Variants in ACVR2A observed in about 807,000 individuals in gnomAD.
The protein encoded by ACVR2A is activin receptor type-2A.
In ACVR2A, 7 loss-of-function variants were observed where a neutral mutation model predicts 61.4. That is an observed-to-expected ratio of 0.11 (90% CI 0.06 to 0.21). ACVR2A has a LOEUF of 0.21. Ranked by LOEUF, ACVR2A falls within the 10% of genes least tolerant of loss-of-function variation. The pLI is 1.00. For missense variants in ACVR2A, 322 were observed against 621.7 expected, an observed-to-expected ratio of 0.52 and a Z score of 5.13; for synonymous variants, 193 against 208.3, an observed-to-expected ratio of 0.93 and a Z score of 0.63.
At chr2:147,878,456 T>TA (rs769518906) in intron 1 of ACVR2A, among the ~76,000 whole-genome samples, 124 of 151,952 alleles carry the variant, frequency 8.2e-4, no homozygotes, top group Non-Finnish European at 1.2e-3. Context: ...TTTTTTTTTT[T>TA]ATTAAGAAAG....
intron 1 of ACVR2A, among the ~76,000 whole-genome samples, chr2:147,855,336 G>C (rs1685545518): frequency 6.6e-6 from 1 of 152,212 alleles, no homozygotes; most frequent in Admixed American, 6.5e-5. Flanking sequence ...AATGAATGCA[G>C]TGATGGGACT....
intron 5 of ACVR2A, among the ~76,000 whole-genome samples, chr2:147,916,135 C>T (rs988996145): frequency 3.3e-5 from 5 of 151,842 alleles, no homozygotes; most frequent in Admixed American, 6.6e-5. Context: ...CTTTTTACCT[C>T]CTCTGTTCAA....
intron 1 of ACVR2A, among the ~76,000 whole-genome samples, chr2:147,874,100 A>G (rs902399789): frequency 7.2e-5 from 11 of 152,094 alleles, no homozygotes; most frequent in African/African-American, 2.6e-4. Flanking sequence ...GCAGAATACT[A>G]TATCAGAATT....
chr2:147,893,835 T>A (rs774934981), intron 1 of ACVR2A, among the ~76,000 whole-genome samples: 1 of 152,250 alleles, frequency 6.6e-6, no homozygotes, highest in Non-Finnish European at 1.5e-5. Flanking sequence ...ACTTTTTTCA[T>A]CCCCTTAGCC....
intron 1 of ACVR2A, among the ~76,000 whole-genome samples, chr2:147,881,661 G>GTGTGTGTGTGTGTGT (rs1686305711): frequency 7.8e-6 from 1 of 128,210 alleles, no homozygotes; most frequent in African/African-American, 2.8e-5. Flanking sequence ...GTGTGTGTGT[G>GTGTGTGTGTGTGTGT]GTTTTTTTTA....
intron 1 of ACVR2A, 140 bp downstream of exon 1, chr2:147,845,347 C>T: frequency 2.4e-6 from 1 of 425,462 alleles, no homozygotes; most frequent in Non-Finnish European, 3.7e-6. Flanking sequence ...CGGCTGCCAC[C>T]GCCCCCCCCC....
At chr2:147,901,622 A>G (rs1686873207) in intron 4 of ACVR2A, among the ~76,000 whole-genome samples, 1 of 152,066 alleles carries the variant, frequency 6.6e-6, no homozygotes, top group African/African-American at 2.4e-5. Context: ...TTTATTTAGT[A>G]CTTACATGCT....
chr2:147,856,598 A>C (rs1287283898), intron 1 of ACVR2A, among the ~76,000 whole-genome samples: 3 of 152,186 alleles, frequency 2.0e-5, no homozygotes, highest in Non-Finnish European at 4.4e-5. Context: ...CCTAAGACTC[A>C]AAATGAACTT....
At chr2:147,845,230 G>A (rs1685275955) in intron 1 of ACVR2A, 23 bp downstream of exon 1, 1 of 1,609,368 alleles carries the variant, frequency 6.2e-7, no homozygotes. Flanking sequence ...AGCGCGGCGC[G>A]GTGGGGCTGC....
intron 6 of ACVR2A, among the ~76,000 whole-genome samples, chr2:147,918,178 A>G (rs1284512842): frequency 1.3e-5 from 2 of 151,800 alleles, no homozygotes; most frequent in African/African-American, 4.8e-5. Context: ...TAAAAAAAAA[A>G]AAAAACAAAC....
chr2:147,900,985 TG>T (rs1176384787), intron 4 of ACVR2A, among the ~76,000 whole-genome samples: 1 of 152,046 alleles, frequency 6.6e-6, no homozygotes, highest in Non-Finnish European at 1.5e-5. Context: ...TTGTAAGATG[TG>T]TATATAGAGA....
chr2:147,908,038 CAAAAAAAAA>C (rs1200221673), intron 4 of ACVR2A, among the ~76,000 whole-genome samples: 1 of 67,034 alleles, frequency 1.5e-5, no homozygotes, highest in East Asian at 4.8e-4. Context: ...GACTCTGTTT[CAAAAAAAAA>C]AAAAAAAGAA....
intron 1 of ACVR2A, among the ~76,000 whole-genome samples, chr2:147,894,220 G>A (rs148474658): frequency 3.4e-3 from 510 of 152,104 alleles, no homozygotes; most frequent in East Asian, 8.3e-3. Flanking sequence ...CTGTCCCATT[G>A]ATACATGTTT....
At chr2:147,921,931 C>A (rs1268030729) in intron 8 of ACVR2A, among the ~76,000 whole-genome samples, 2 of 152,030 alleles carry the variant, frequency 1.3e-5, no homozygotes, top group African/African-American at 4.8e-5. Context: ...TTTGGAGGGA[C>A]TTGCATGTTA....
intron 1 of ACVR2A, among the ~76,000 whole-genome samples, chr2:147,862,743 C>CA (rs5835174): frequency 0.3 from 42,329 of 142,336 alleles, 6,262 homozygotes; most frequent in East Asian, 0.47. Flanking sequence ...GACTCTGTCT[C>CA]AAAAAAAAAA....
At chr2:147,867,519 G>A (rs1210901215) in intron 1 of ACVR2A, among the ~76,000 whole-genome samples, 1 of 151,952 alleles carries the variant, frequency 6.6e-6, no homozygotes, top group African/African-American at 2.4e-5. Flanking sequence ...CATTACCAAT[G>A]TGTTAGTTCC....
intron 1 of ACVR2A, among the ~76,000 whole-genome samples, 195 bp downstream of exon 1, chr2:147,845,402 TTC>T (rs1685284945): frequency 7.4e-6 from 1 of 134,492 alleles, no homozygotes; most frequent in Non-Finnish European, 1.5e-5. Context: ...CCATGCATTT[TTC>T]TCTTTTTGAG....
At chr2:147,855,284 C>T (rs192887547) in intron 1 of ACVR2A, among the ~76,000 whole-genome samples, 1 of 152,282 alleles carries the variant, frequency 6.6e-6, no homozygotes, top group African/African-American at 2.4e-5. Context: ...GTTTCTGGCA[C>T]AGAGGCGAAG....
Position 147,899,471 on chromosome 2 carries a change from G to GAA in ACVR2A, c.284_285dup (p.Asp96LysfsTer55). On this transcript the variant is annotated frameshift_variant, in exon 3 of 11. Transcript: ENST00000241416. LOFTEE classifies it high-confidence loss of function. ...GCTTATTTATAGGACTGATTGTGTA[G>GAA]AAAAAAAAGACAGCCCTGAAGTATA... The GAA allele has an allele frequency of 6.2e-7, 1 of 1,609,194 alleles. No individual in the cohort carries two copies. The highest frequency in any genetic ancestry group is 1.1e-5 in the South Asian group (1 of 90,230).
Sources: allele counts gnomAD v4.1 joint callset (sites outside exome capture counted in the v4.1 genomes callset), GRCh38; gene constraint gnomAD v4.1.1; transcripts MANE v1.5; gene names NCBI Gene and HGNC (gene_info 2026-07-23, HGNC 2026-07-21).